The following CLN6 variants were observed in gnomAD, a reference collection of about 807,000 sequenced individuals.
CLN6 encodes ceroid-lipofuscinosis neuronal protein 6.
Under a neutral mutation model 33.3 loss-of-function variants are expected in CLN6, and 22 were observed. That is an observed-to-expected ratio of 0.66 (90% CI 0.47 to 0.94). CLN6 has a LOEUF of 0.94. Ranked by LOEUF, CLN6 falls within the 40% of genes least tolerant of loss-of-function variation. CLN6 has a pLI of 0.00. For synonymous variants in CLN6, 201 were observed against 174.6 expected (o/e 1.15, Z -1.19); for missense variants, 387 against 417.1 (o/e 0.93, Z 0.63).
intron 1 of CLN6, 115 bp downstream of exon 1, chr15:68,229,387 G>A (rs994704795): frequency 2.5e-6 from 2 of 797,908 alleles, no homozygotes; most frequent in African/African-American, 1.8e-5. Flanking sequence ...GCTCCGCCCC[G>A]GCCAGCGCCG....
chr15:68,229,913 T>C (rs531488074), upstream of CLN6, among the ~76,000 whole-genome samples: 3 of 152,224 alleles, frequency 2.0e-5, no homozygotes, highest in East Asian at 3.9e-4. Flanking sequence ...TGGGATGTGT[T>C]AGGGTCCCTT....
Position 68,209,777 on chromosome 15 carries a change from G to C in CLN6, c.543-18C>G, listed in dbSNP as rs1274191758. ...GGATGTACCTGTGACAGGAAGGCCAGTGTCTTAGAGGCCTGCTCAGCGGCC... is the reference window on the plus strand; with the variant it reads ...GGATGTACCTGTGACAGGAAGGCCACTGTCTTAGAGGCCTGCTCAGCGGCC... On this transcript the variant is annotated intron_variant, in intron 5 of 6. Transcript: ENST00000249806. This position sits in a 1 kb window ranked among gnomAD's most constrained non-coding sequence, Gnocchi z 4.9. 6.2e-7 allele frequency: 1 copy of C among 1,612,292 alleles called. No homozygotes were observed. The highest frequency in any genetic ancestry group is 8.5e-7 in the Non-Finnish European group (1 of 1,179,386).
At chr15:68,222,457 G>A (rs1284781951) in intron 1 of CLN6, among the ~76,000 whole-genome samples, 4 of 150,676 alleles carry the variant, frequency 2.7e-5, no homozygotes, top group South Asian at 2.1e-4. Context: ...CCCCGTCTGG[G>A]AGGTGAGGAG....
At chr15:68,215,026 CCTT>C (rs2093216832) in intron 2 of CLN6, 1 of 156,482 alleles carries the variant, frequency 6.4e-6, no homozygotes, top group African/African-American at 2.4e-5. Flanking sequence ...GGCAGTTCCT[CCTT>C]CTGCAATGCT....
chr15:68,224,177 G>T (rs2093245475), intron 1 of CLN6, among the ~76,000 whole-genome samples: 1 of 143,394 alleles, frequency 7.0e-6, no homozygotes, highest in Non-Finnish European at 1.5e-5. Context: ...GAAACAGGAT[G>T]ATCACTTAAG....
chr15:68,252,729 C>T (rs1892393135), intron 1 of CLN6, among the ~76,000 whole-genome samples: 1 of 152,172 alleles, frequency 6.6e-6, no homozygotes, highest in Non-Finnish European at 1.5e-5. Flanking sequence ...TGTACTATAG[C>T]TACACACATC....
rs1038377438 is a variant in CLN6 at position 68,246,769 on chromosome 15, C to T, written c.179+9921G>A. 2.0e-5 allele frequency among the ~76,000 whole-genome samples: 3 copies of T among 151,938 alleles called. No homozygotes were observed. Among genetic ancestry groups the T allele is most frequent in the African/African-American group, 7.3e-5 (3 of 41,334 alleles). ...AATTAGGCTAAAATATAGAGAAAAT[C>T]AATGAAATGAAAATTGGTTTTTTGA... On this transcript the variant is annotated intron_variant, in intron 1 of 6. Coordinates refer to the CLN6 transcript ENST00000538696. This position sits in a 1 kb window ranked among gnomAD's most constrained non-coding sequence, Gnocchi z 4.5.
intron 1 of CLN6, among the ~76,000 whole-genome samples, chr15:68,255,534 T>C (rs1267677869): frequency 6.6e-6 from 1 of 152,154 alleles, no homozygotes; most frequent in African/African-American, 2.4e-5. Flanking sequence ...CTTTCCCTGT[T>C]CAGAGCATCA....
chr15:68,214,361 G>A lies in CLN6; in HGVS notation c.226C>T (p.Leu76Phe). Residue 76 changes from leucine to phenylalanine, a missense_variant, in exon 3 of 7, where the codon CTC (leucine) becomes TTC (phenylalanine). By Grantham distance (22) the Leu-to-Phe change is conservative. Coordinates refer to ENST00000249806, the MANE Select transcript of CLN6 (RefSeq NM_017882.3). ...MLVFPLEWFPLNKPSVGDYFH... is the reference protein window; with the variant it reads ...MLVFPLEWFPFNKPSVGDYFH... ...TAGTCCCCAACACTGGGCTTGTTGA[G>A]TGGAAACCACTCGAGAGGGAATACC... is the stretch of plus-strand genomic sequence containing the variant. The A allele has an allele frequency of 6.2e-7, 1 of 1,614,058 alleles. No individual in the cohort carries two copies. The highest frequency in any genetic ancestry group is 8.5e-7 in the Non-Finnish European group (1 of 1,179,872).
rs2093214490 is a variant in CLN6, at chr15:68,214,319, T to C, written c.268A>G (p.Asn90Asp). Residue 90 changes from asparagine to aspartate, a missense_variant, in exon 3 of 7, where the codon AAC becomes GAC. Asn to Asp is a conservative substitution (Grantham distance 23). Coordinates refer to ENST00000249806, the MANE Select transcript of CLN6 (RefSeq NM_017882.3). ...SVGDYFHMAYNVITPFLLLKL... is the reference protein window; with the variant it reads ...SVGDYFHMAYDVITPFLLLKL... ...AGCAAGAGAAAGGGCGTGATGACGT[T>C]GTAGGCCATGTGGAAGTAGTCCCCA... 1 of 1,614,018 alleles carries C rather than the reference T, an allele frequency of 6.2e-7. No individual in the cohort carries two copies.
chr15:68,251,967 CTTTTTTTT>C (rs35907860), intron 1 of CLN6, among the ~76,000 whole-genome samples: 4 of 71,868 alleles, frequency 5.6e-5, no homozygotes, highest in Non-Finnish European at 1.0e-4. Flanking sequence ...ATGTGTGAAT[CTTTTTTTT>C]TTTTTTTTTT....
Position 68,208,352 on chromosome 15 carries a change from G to A in CLN6, c.724C>T (p.Leu242=), listed in dbSNP as rs2093194081. The A allele has an allele frequency of 1.2e-6, 2 of 1,613,988 alleles. No homozygotes were observed. The highest frequency in any genetic ancestry group is 1.7e-6 in the Non-Finnish European group (2 of 1,180,046). The change falls in exon 7 of 7, where the codon CTG becomes TTG. Residue 242 remains leucine, a synonymous_variant. Transcript: ENST00000249806. The surrounding 1 kb of genome is among the most constrained non-coding windows in gnomAD (Gnocchi z 5.8). ...CGCTTCTGGTGCAGGACGAGGGCCA[G>A]CATGGCGAAGAAGGTGAAGATGAAG... ...ILFIFTFFAM[L]ALVLHQKRKR... is the part of the protein sequence containing the mutation.
intron 1 of CLN6, among the ~76,000 whole-genome samples, chr15:68,251,936 C>T (rs1255687589): frequency 1.4e-5 from 2 of 140,160 alleles, no homozygotes; most frequent in African/African-American, 2.6e-5. Flanking sequence ...CTAGCATGTG[C>T]GTGTGTATGT....
intron 1 of CLN6, among the ~76,000 whole-genome samples, chr15:68,224,932 G>T (rs1366313179): frequency 6.6e-6 from 1 of 152,072 alleles, no homozygotes; most frequent in Non-Finnish European, 1.5e-5. Context: ...CTACCATATG[G>T]GGACAATGAC....
In CLN6 at chr15:68,208,190, C is replaced by T. The variant is rs781449103; in HGVS notation, c.886G>A (p.Val296Ile). 6.8e-6 allele frequency: 11 copies of T among 1,611,800 alleles called. No individual in the cohort carries two copies. The highest frequency in any genetic ancestry group is 1.6e-4 in the Middle Eastern group (1 of 6,074). Reference sequence around the variant, plus strand: ...GTGTAGAAAGCCCAGGGCTCAGGGACGTAGATGACACCCGGGTACTTCTTC... The same window carrying T: ...GTGTAGAAAGCCCAGGGCTCAGGGATGTAGATGACACCCGGGTACTTCTTC... ...LRKKYPGVIY[V>I]PEPWAFYTLH... The change falls in exon 7 of 7, where the codon GTC (valine) becomes ATC (isoleucine). Residue 296 changes from valine (V) to isoleucine (I), a missense_variant. Val to Ile is a conservative substitution (Grantham distance 29). Transcript: ENST00000249806. This position sits in a 1 kb window ranked among gnomAD's most constrained non-coding sequence, Gnocchi z 5.8.
intron 2 of CLN6, chr15:68,215,354 A>G (rs1452856251): frequency 6.6e-6 from 1 of 152,178 alleles, no homozygotes; most frequent in African/African-American, 2.4e-5. Flanking sequence ...ATACTCTGTG[A>G]TAGCAAAACA....
chr15:68,217,933 C>T (rs559307853), intron 2 of CLN6, among the ~76,000 whole-genome samples: 3 of 152,002 alleles, frequency 2.0e-5, no homozygotes, highest in African/African-American at 7.2e-5. Context: ...ATCTTCCATC[C>T]TCCCACTACA....
At chr15:68,253,329 A>G (rs562368461) in intron 1 of CLN6, among the ~76,000 whole-genome samples, 1 of 151,974 alleles carries the variant, frequency 6.6e-6, no homozygotes, top group African/African-American at 2.4e-5. Context: ...TTTTGTTTTT[A>G]TTTTTCCTTT....
At chr15:68,214,770 T>G in intron 2 of CLN6, 1 of 318,866 alleles carries the variant, frequency 3.1e-6, no homozygotes, top group Non-Finnish European at 6.2e-6. Flanking sequence ...GGGCTAATAC[T>G]TCCCTTCTCT....
Sources: gnomAD v4.1 joint callset for allele counts (sites outside exome capture counted in the v4.1 genomes callset) on GRCh38, gnomAD v4.1.1 for gene constraint, Gnocchi (gnomAD v3.1) non-coding constraint, MANE v1.5 for transcripts, NCBI Gene and HGNC (gene_info 2026-07-23, HGNC 2026-07-21) for gene names.